Variants in TMEM132C observed in about 807,000 individuals in gnomAD.
TMEM132C encodes protein phosphatase 1, regulatory subunit 152.
In TMEM132C, 29 loss-of-function variants were observed where a neutral mutation model predicts 61.4. The ratio of observed to expected loss-of-function variants is 0.47; its 90% confidence interval spans 0.35 to 0.64. The LOEUF is 0.64. Among genes scored for constraint, TMEM132C ranks in the 30% least tolerant of loss-of-function variants. TMEM132C has a pLI of 0.00. For synonymous variants in TMEM132C, 656 were observed against 633.1 expected (o/e 1.04, Z -0.54); for missense variants, 1,408 against 1,476.9 (o/e 0.95, Z 0.76).
At chr12:128,454,884 G>A (rs1216793923) in intron 2 of TMEM132C, among the ~76,000 whole-genome samples, 4 of 152,222 alleles carry the variant, frequency 2.6e-5, no homozygotes, top group Non-Finnish European at 5.9e-5. Context: ...AGAGACAGGA[G>A]CCTGCAGTCT....
intron 3 of TMEM132C, 149 bp downstream of exon 3, chr12:128,544,252 C>T (rs865852578): frequency 8.4e-7 from 1 of 1,184,666 alleles, no homozygotes. Flanking sequence ...GCATTGATAT[C>T]CATGCAGGAC....
At chr12:128,497,773 G>A (rs142418110) in intron 2 of TMEM132C, among the ~76,000 whole-genome samples, 3,573 of 152,170 alleles carry the variant, frequency 0.023, 62 homozygotes, top group Middle Eastern at 0.044. Context: ...GACCCCTTGC[G>A]CTTCCCTGGT....
chr12:128,426,667 A>C (rs1869194519), intron 2 of TMEM132C, among the ~76,000 whole-genome samples: 1 of 152,176 alleles, frequency 6.6e-6, no homozygotes, highest in South Asian at 2.1e-4. Context: ...GGGAAGAAGT[A>C]AAGAAATAAT....
intron 1 of TMEM132C, among the ~76,000 whole-genome samples, chr12:128,385,986 A>T (rs181345857): frequency 5.3e-4 from 80 of 152,214 alleles, no homozygotes; most frequent in African/African-American, 1.9e-3. Flanking sequence ...GAGCTGGGCT[A>T]TGGCCCCTGG....
intron 4 of TMEM132C, among the ~76,000 whole-genome samples, chr12:128,657,428 G>A (rs887576400): frequency 6.6e-6 from 1 of 152,148 alleles, no homozygotes; most frequent in African/African-American, 2.4e-5. Flanking sequence ...ATAAGCATTG[G>A]GTAATGAGAT....
chr12:128,685,191 T>C (rs1339777887), intron 5 of TMEM132C, among the ~76,000 whole-genome samples: 1 of 151,928 alleles, frequency 6.6e-6, no homozygotes, highest in Non-Finnish European at 1.5e-5. Context: ...GATAAAAAGG[T>C]GAATGGGAGG....
intron 1 of TMEM132C, among the ~76,000 whole-genome samples, chr12:128,363,845 G>GAA (rs528314942): frequency 2.4e-3 from 248 of 101,268 alleles, no homozygotes; most frequent in Middle Eastern, 6.0e-3. Flanking sequence ...ACTCTGTCTC[G>GAA]AAAAAAAAAA....
intron 4 of TMEM132C, among the ~76,000 whole-genome samples, chr12:128,624,998 G>C (rs1003428782): frequency 6.6e-6 from 1 of 152,156 alleles, no homozygotes; most frequent in African/African-American, 2.4e-5. Flanking sequence ...AACTAGCAAG[G>C]GAGGGGGGTG....
chr12:128,624,639 C>T (rs554164161), intron 4 of TMEM132C, among the ~76,000 whole-genome samples: 1 of 151,658 alleles, frequency 6.6e-6, no homozygotes, highest in East Asian at 1.9e-4. Flanking sequence ...TTGCTTGGCA[C>T]TTAGTAAGTC....
At chr12:128,597,904 G>A (rs561550509) in intron 3 of TMEM132C, among the ~76,000 whole-genome samples, 1 of 152,304 alleles carries the variant, frequency 6.6e-6, no homozygotes, top group African/African-American at 2.4e-5. Flanking sequence ...AAATGCAGAT[G>A]TGGTGTGTCT....
chr12:128,442,720 A>T (rs1357578893), intron 2 of TMEM132C, among the ~76,000 whole-genome samples: 1 of 152,192 alleles, frequency 6.6e-6, no homozygotes, highest in Non-Finnish European at 1.5e-5. Context: ...TTAAAAATTA[A>T]GGTGAAATTC....
intron 3 of TMEM132C, among the ~76,000 whole-genome samples, chr12:128,602,467 G>C (rs1876231672): frequency 6.6e-6 from 1 of 152,222 alleles, no homozygotes; most frequent in South Asian, 2.1e-4. Context: ...ATTGACCCAG[G>C]AGGGCAAGCT....
At chr12:128,446,110 C>A (rs1565938745) in intron 2 of TMEM132C, among the ~76,000 whole-genome samples, 1 of 152,160 alleles carries the variant, frequency 6.6e-6, no homozygotes, top group African/African-American at 2.4e-5. Flanking sequence ...AATTATTTGC[C>A]TTCTCAGATT....
chr12:128,515,817 A>C (rs1872699760), intron 2 of TMEM132C, among the ~76,000 whole-genome samples: 1 of 151,942 alleles, frequency 6.6e-6, no homozygotes, highest in African/African-American at 2.4e-5. Flanking sequence ...CGTGGACGAC[A>C]GAGCGAGACT....
At chr12:128,639,729 C>T (rs1189395886) in intron 4 of TMEM132C, among the ~76,000 whole-genome samples, 1 of 152,112 alleles carries the variant, frequency 6.6e-6, no homozygotes, top group Non-Finnish European at 1.5e-5. Context: ...TCACCTGAAA[C>T]TGAGGAGGTT....
chr12:128,541,088 C>G (rs1873730510), intron 2 of TMEM132C, among the ~76,000 whole-genome samples: 1 of 151,850 alleles, frequency 6.6e-6, no homozygotes, highest in South Asian at 2.1e-4. Flanking sequence ...TTCCCATGAC[C>G]TCATCCTCAG....
intron 2 of TMEM132C, among the ~76,000 whole-genome samples, chr12:128,474,348 T>C (rs11830735): frequency 0.037 from 5,626 of 152,268 alleles, 329 homozygotes; most frequent in African/African-American, 0.12. Flanking sequence ...AGGAAGTCTA[T>C]GTTCCTGGAT....
chr12:128,647,602 G>C (rs567842635), intron 4 of TMEM132C, among the ~76,000 whole-genome samples: 2 of 151,166 alleles, frequency 1.3e-5, no homozygotes, highest in Admixed American at 6.6e-5. Context: ...GTTTACTAGA[G>C]TCCATGAGCG....
intron 2 of TMEM132C, among the ~76,000 whole-genome samples, chr12:128,541,890 C>G (rs1302176737): frequency 6.6e-6 from 1 of 152,164 alleles, no homozygotes; most frequent in African/African-American, 2.4e-5. Context: ...GCCTGCGAAT[C>G]TCAGCATTCA....
Sources: gnomAD v4.1 joint callset for allele counts (sites outside exome capture counted in the v4.1 genomes callset) on GRCh38, gnomAD v4.1.1 for gene constraint, MANE v1.5 for transcripts, NCBI Gene and HGNC (gene_info 2026-07-23, HGNC 2026-07-21) for gene names.